DHRS7B: variants seen among roughly 807,000 people sequenced by gnomAD.
The protein encoded by DHRS7B is peroxisomal reductase activating PPAR-gamma.
DHRS7B carries 24 observed loss-of-function variants against 26.4 expected under a neutral mutation model. That is an observed-to-expected ratio of 0.91 (90% CI 0.66 to 1.28). DHRS7B has a LOEUF of 1.28. DHRS7B is among the 50% of genes most tolerant of loss of function. The pLI is 0.00. For missense variants in DHRS7B, 368 were observed against 419.4 expected, an observed-to-expected ratio of 0.88 and a Z score of 1.07; for synonymous variants, 142 against 166.4, an observed-to-expected ratio of 0.85 and a Z score of 1.13.
intron 1 of DHRS7B, among the ~76,000 whole-genome samples, chr17:21,157,825 G>C (rs971107238): frequency 1.3e-5 from 2 of 152,000 alleles, no homozygotes; most frequent in African/African-American, 4.8e-5. Flanking sequence ...CACTACTGTA[G>C]TGCCAGCTAC....
intron 3 of DHRS7B, among the ~76,000 whole-genome samples, chr17:21,183,050 G>A (rs1190504842): frequency 2.6e-5 from 4 of 152,164 alleles, no homozygotes; most frequent in African/African-American, 9.7e-5. Flanking sequence ...TTTGATTACT[G>A]ATCCAATCTC....
intron 1 of DHRS7B, among the ~76,000 whole-genome samples, chr17:21,131,448 C>G (rs1441342055): frequency 6.6e-6 from 1 of 152,202 alleles, no homozygotes; most frequent in African/African-American, 2.4e-5. Flanking sequence ...GAGCTAATGC[C>G]TTATAATTAG....
At chr17:21,186,004 A>C (rs1974626343) in intron 5 of DHRS7B, among the ~76,000 whole-genome samples, 1 of 151,836 alleles carries the variant, frequency 6.6e-6, no homozygotes, top group African/African-American at 2.4e-5. Context: ...CTTTATACTA[A>C]ATTATTTTCA....
intron 1 of DHRS7B, among the ~76,000 whole-genome samples, chr17:21,165,021 A>G (rs1974080373): frequency 6.6e-6 from 1 of 152,244 alleles, no homozygotes; most frequent in African/African-American, 2.4e-5. Context: ...TTATGATTCA[A>G]CAGCACAGTT....
chr17:21,191,036 G>GACTTTCT lies in DHRS7B; in HGVS notation c.862_863insCTTTCTA (p.Ile288ThrfsTer6). ...CTGTGGGGAAGAAGAAGAAAGATGT[G>GACTTTCT]ATCCTGGCTGACTTACTGCCTTCCT... On this transcript the variant is annotated frameshift_variant, in exon 7 of 7. Transcript: ENST00000395511. LOFTEE classifies it high-confidence loss of function. The GACTTTCT allele has an allele frequency of 6.2e-7, 1 of 1,614,274 alleles. No homozygotes were observed. Among genetic ancestry groups the GACTTTCT allele is most frequent in the Non-Finnish European group, 8.5e-7 (1 of 1,180,052 alleles).
rs201900387 is a variant in DHRS7B at position 21,140,022 on chromosome 17, C to CTTTTTTTTTTTTT, written c.20+13039_20+13051dup. ...TTTTTTCCTATCAGACTTTCAGATT[C>CTTTTTTTTTTTTT]TTTTTTTTTTTTTTTTTTTTGAGAC... On this transcript the variant is annotated intron_variant, in intron 1 of 6. Coordinates refer to ENST00000395511, the MANE Select transcript of DHRS7B (RefSeq NM_015510.5). Among the ~76,000 whole-genome samples the CTTTTTTTTTTTTT allele has an allele frequency of 4.2e-4, 45 of 106,688 alleles. 2 individuals are homozygous for CTTTTTTTTTTTTT. The highest frequency in any genetic ancestry group is 6.6e-4 in the Non-Finnish European group (36 of 54,606). The allele number at this position is 106,688 out of a possible 152,430, so 70.0% of individuals were successfully genotyped here.
intron 1 of DHRS7B, among the ~76,000 whole-genome samples, chr17:21,131,353 C>G (rs1324219725): frequency 6.6e-6 from 1 of 152,160 alleles, no homozygotes; most frequent in East Asian, 1.9e-4. Flanking sequence ...AGAGTTCCTC[C>G]CCTTCGTAGA....
At position 21,144,953 on chromosome 17, in the gene DHRS7B, C is replaced by T. The variant is rs183591177; in HGVS notation, c.20+17962C>T. On this transcript the variant is annotated intron_variant, in intron 1 of 6. Transcript: ENST00000395511. ...TTGTATATACTTACCTTTTAGCAGA[C>T]ATAGTAATAATCAGATTTCCAAAGG... 2.0e-4 allele frequency among the ~76,000 whole-genome samples: 31 copies of T among 152,168 alleles called. No homozygotes were observed. The East Asian group carries it at 6.0e-3, about 29-fold the overall frequency.
At chr17:21,129,691 T>A (rs1597727833) in intron 1 of DHRS7B, among the ~76,000 whole-genome samples, 2 of 99,668 alleles carry the variant, frequency 2.0e-5, no homozygotes, top group Non-Finnish European at 3.7e-5. Flanking sequence ...GGCAGCAGAG[T>A]AAGACCCTGA....
chr17:21,136,287 AGC>A (rs1332569968), intron 1 of DHRS7B, among the ~76,000 whole-genome samples: 1 of 128,960 alleles, frequency 7.8e-6, no homozygotes, highest in Admixed American at 7.7e-5. Context: ...GGGCAACAAG[AGC>A]AAAACTCCAT....
intron 1 of DHRS7B, among the ~76,000 whole-genome samples, chr17:21,131,214 C>T (rs1228304678): frequency 6.6e-6 from 1 of 152,236 alleles, no homozygotes; most frequent in Admixed American, 6.5e-5. Context: ...AGAATGGCTA[C>T]TCCATAGGCA....
At chr17:21,182,701 C>T (rs1457180743) in intron 3 of DHRS7B, among the ~76,000 whole-genome samples, 2 of 152,160 alleles carry the variant, frequency 1.3e-5, no homozygotes, top group African/African-American at 4.8e-5. Context: ...GATTGATTTT[C>T]CTATGTTGAA....
chr17:21,166,123 T>C, intron 1 of DHRS7B: 34 of 984,938 alleles, frequency 3.5e-5, no homozygotes, highest in Non-Finnish European at 4.1e-5. Context: ...GGCACCTTTC[T>C]CCGCCCCCCC....
intron 1 of DHRS7B, among the ~76,000 whole-genome samples, chr17:21,147,991 G>A (rs1231649498): frequency 6.6e-6 from 1 of 152,150 alleles, no homozygotes; most frequent in Non-Finnish European, 1.5e-5. Flanking sequence ...TAAGACAGGA[G>A]GACTGCATGA....
chr17:21,183,296 T>C (rs961549583), intron 3 of DHRS7B, among the ~76,000 whole-genome samples: 4 of 152,218 alleles, frequency 2.6e-5, no homozygotes, highest in African/African-American at 9.6e-5. Context: ...TTGTGTCTTC[T>C]GTTTTTTCCT....
chr17:21,167,199 G>A (rs1448284312), intron 1 of DHRS7B, among the ~76,000 whole-genome samples: 1 of 152,118 alleles, frequency 6.6e-6, no homozygotes, highest in Non-Finnish European at 1.5e-5. Context: ...TTTAAAGGGT[G>A]GATGAGCTGC....
chr17:21,178,169 G>C (rs967918576), intron 2 of DHRS7B, 64 bp from the exon 3 acceptor site: 2 of 1,498,484 alleles, frequency 1.3e-6, no homozygotes, highest in African/African-American at 2.8e-5. Flanking sequence ...AGCAACGCTG[G>C]GTGAATTTAA....
At chr17:21,176,592 C>A (rs1974384491) in intron 2 of DHRS7B, among the ~76,000 whole-genome samples, 1 of 151,882 alleles carries the variant, frequency 6.6e-6, no homozygotes, top group South Asian at 2.1e-4. Flanking sequence ...CAGAGTAAGA[C>A]CCTGTCTCTA....
intron 6 of DHRS7B, among the ~76,000 whole-genome samples, chr17:21,189,748 A>T (rs1159403001): frequency 6.6e-6 from 1 of 152,224 alleles, no homozygotes; most frequent in Non-Finnish European, 1.5e-5. Flanking sequence ...AGAAGATACC[A>T]CTTAAAAAAT....
Sources: gnomAD v4.1 joint callset for allele counts (sites outside exome capture counted in the v4.1 genomes callset) on GRCh38, gnomAD v4.1.1 for gene constraint, MANE v1.5 for transcripts, NCBI Gene and HGNC (gene_info 2026-07-23, HGNC 2026-07-21) for gene names.